CFAP100: variants seen among roughly 807,000 people sequenced by gnomAD.
The protein encoded by CFAP100 is cilia and flagella associated protein 100, also known as cilia- and flagella-associated protein 100.
A neutral mutation model predicts 81.5 loss-of-function variants in CFAP100; 70 were observed. That is an observed-to-expected ratio of 0.86 (90% CI 0.71 to 1.05). The LOEUF is 1.05. CFAP100 is among the 50% of genes least tolerant of loss of function. CFAP100 has a pLI of 0.00. For synonymous variants in CFAP100, 341 were observed against 314.8 expected, an observed-to-expected ratio of 1.08 and a Z score of -0.88; for missense variants, 811 against 776.5, an observed-to-expected ratio of 1.04 and a Z score of -0.53.
intron 14 of CFAP100, 166 bp downstream of exon 14, chr3:126,433,370 T>G (rs1933309867): frequency 1.3e-6 from 1 of 746,658 alleles, no homozygotes; most frequent in Admixed American, 2.8e-5. Context: ...CATGTATTGA[T>G]GCCTGTGCCA....
chr3:126,434,105 C>A, intron 14 of CFAP100, 71 bp from the exon 15 acceptor site: 1 of 1,410,436 alleles, frequency 7.1e-7, no homozygotes, highest in Non-Finnish European at 9.8e-7. Context: ...CAGCAGGCCA[C>A]CGCTGAAGGC....
intron 11 of CFAP100, among the ~76,000 whole-genome samples, chr3:126,421,779 G>A (rs944610535): frequency 7.9e-5 from 12 of 152,244 alleles, no homozygotes; most frequent in African/African-American, 2.7e-4. Context: ...TTTCTGCCCA[G>A]TGTGGCCACG....
chr3:126,406,762 G>A (rs779903573), intron 2 of CFAP100, among the ~76,000 whole-genome samples: 8 of 152,158 alleles, frequency 5.3e-5, no homozygotes, highest in African/African-American at 7.2e-5. Flanking sequence ...GGGGTCTTAG[G>A]GGCCTCCATC....
At chr3:126,406,464 A>T (rs1189212246) in intron 2 of CFAP100, among the ~76,000 whole-genome samples, 2 of 152,062 alleles carry the variant, frequency 1.3e-5, no homozygotes, top group African/African-American at 4.8e-5. Flanking sequence ...ACCGACCAGG[A>T]TCTCCGAGCT....
intron 3 of CFAP100, among the ~76,000 whole-genome samples, chr3:126,408,978 A>G (rs1369555829): frequency 2.0e-5 from 3 of 152,180 alleles, no homozygotes; most frequent in Non-Finnish European, 2.9e-5. Flanking sequence ...TTGTAGAGAC[A>G]GGGTTGCACC....
In CFAP100 at chr3:126,419,729, A is replaced by G. The variant is rs749023686; in HGVS notation, c.824A>G (p.Gln275Arg). The G allele has an allele frequency of 6.2e-7, 1 of 1,613,972 alleles. No individual in the cohort carries two copies. The highest frequency in any genetic ancestry group is 1.3e-5 in the African/African-American group (1 of 74,958). ...KLSPKEWLEE[Q>R]EKKHSFLKKA... ...TCGCCCAAGGAGTGGCTTGAAGAAC[A>G]GGAAAAGAAACACTCGTTTCTCAAA... is the stretch of plus-strand genomic sequence containing the variant. The change falls in exon 9 of 17, where the codon CAG becomes CGG. Residue 275 changes from glutamine (Q) to arginine (R), a missense_variant. Coordinates refer to ENST00000352312, the MANE Select transcript of CFAP100 (RefSeq NM_182628.3).
intron 5 of CFAP100, chr3:126,416,720 C>T (rs947130961): frequency 2.0e-6 from 1 of 487,968 alleles, no homozygotes; most frequent in Admixed American, 4.0e-5. Context: ...CTTTTCAATC[C>T]TAATAGAATA....
chr3:126,408,452 C>G (rs985955100), intron 3 of CFAP100, among the ~76,000 whole-genome samples: 1 of 152,222 alleles, frequency 6.6e-6, no homozygotes, highest in African/African-American at 2.4e-5. Context: ...CCCTCCCTGG[C>G]CCATCCCATC....
rs111556812 is a variant in CFAP100 at position 126,420,054 on chromosome 3, T to A, written c.955+33T>A. 4.5e-4 allele frequency: 728 copies of A among 1,613,274 alleles called. 5 individuals are homozygous for A. The African/African-American group carries it at 8.9e-3, about 20-fold the overall frequency. ...GCCGCCCCCAGCCTGAGGAGGAGCC[T>A]GGCTCTGCCCTGCACAGGGCTCGGA... On this transcript the variant is annotated intron_variant, in intron 10 of 16. Transcript: ENST00000352312.
Position 126,419,721 on chromosome 3 carries a change from T to C in CFAP100, c.816T>C (p.Leu272=). 1 of 1,614,042 alleles carries C rather than the reference T, an allele frequency of 6.2e-7. No individual in the cohort carries two copies. The highest frequency in any genetic ancestry group is 1.7e-5 in the Admixed American group (1 of 60,030). ...ACAAGCTGTCGCCCAAGGAGTGGCT[T>C]GAAGAACAGGAAAAGAAACACTCGT... ...FLYKLSPKEW[L]EEQEKKHSFL... The change falls in exon 9 of 17, where the codon CTT becomes CTC. Residue 272 remains leucine (L), a synonymous_variant. Coordinates refer to ENST00000352312, the MANE Select transcript of CFAP100 (RefSeq NM_182628.3).
At chr3:126,416,722 A>G (rs2107603594) in intron 5 of CFAP100, 2 of 487,306 alleles carry the variant, frequency 4.1e-6, no homozygotes, top group Non-Finnish European at 3.6e-6. Context: ...TTTCAATCCT[A>G]ATAGAATAGT....
chr3:126,433,237 G>A (rs771192964), intron 14 of CFAP100, 33 bp downstream of exon 14: 1 of 1,611,938 alleles, frequency 6.2e-7, no homozygotes, highest in East Asian at 2.2e-5. Flanking sequence ...CAGAGGCCCA[G>A]GGTAAGGAGG....
At position 126,418,455 on chromosome 3, in the gene CFAP100, C is replaced by CTGGA. The variant is rs2083276032; in HGVS notation, c.419-3_419-2insTGGA. ...CCTGCTCACCTCCCTCTTCTTCCAG[C>CTGGA]AGAAAAGAATGTGGAGCCTGAGAAC... On this transcript the variant is annotated splice_region_variant and splice_polypyrimidine_tract_variant and intron_variant, in intron 5 of 16. Transcript: ENST00000352312. The CTGGA allele has an allele frequency of 1.2e-6, 2 of 1,613,872 alleles. No individual in the cohort carries two copies. Among genetic ancestry groups the CTGGA allele is most frequent in the Non-Finnish European group, 1.7e-6 (2 of 1,179,974 alleles).
intron 2 of CFAP100, among the ~76,000 whole-genome samples, chr3:126,397,084 C>T (rs544103251): frequency 7.4e-5 from 11 of 148,696 alleles, no homozygotes; most frequent in South Asian, 4.3e-4. Flanking sequence ...TTTTCTTACA[C>T]GGAGATCACA....
intron 3 of CFAP100, among the ~76,000 whole-genome samples, chr3:126,413,115 T>G (rs1225917291): frequency 6.6e-6 from 1 of 152,196 alleles, no homozygotes; most frequent in Non-Finnish European, 1.5e-5. Context: ...CCTGGTTGAG[T>G]TGCTAGACAG....
intron 11 of CFAP100, among the ~76,000 whole-genome samples, chr3:126,422,421 G>A (rs2083347382): frequency 6.6e-6 from 1 of 152,168 alleles, no homozygotes; most frequent in African/African-American, 2.4e-5. Flanking sequence ...TCTGCTTCTG[G>A]GGATCAGGGG....
intron 7 of CFAP100, 47 bp downstream of exon 7, chr3:126,418,821 A>C: frequency 6.6e-7 from 1 of 1,525,004 alleles, no homozygotes; most frequent in Non-Finnish European, 8.8e-7. Flanking sequence ...CCGAACCCCC[A>C]CTGTCCCTGA....
At chr3:126,435,951 G>A (rs554163990) in intron 16 of CFAP100, among the ~76,000 whole-genome samples, 26 of 151,990 alleles carry the variant, frequency 1.7e-4, no homozygotes, top group South Asian at 8.3e-4. Flanking sequence ...CCCACACTCC[G>A]GCCAGACCCC....
At chr3:126,428,725 T>C (rs1933059874) in intron 13 of CFAP100, among the ~76,000 whole-genome samples, 1 of 152,092 alleles carries the variant, frequency 6.6e-6, no homozygotes, top group Non-Finnish European at 1.5e-5. Flanking sequence ...TCTTTTCTGG[T>C]GGTGTCTGTC....
Sources: allele counts gnomAD v4.1 joint callset (sites outside exome capture counted in the v4.1 genomes callset), GRCh38; gene constraint gnomAD v4.1.1; transcripts MANE v1.5; gene names NCBI Gene and HGNC (gene_info 2026-07-23, HGNC 2026-07-21).